The following SEC16B variants were observed in gnomAD, a reference collection of about 807,000 sequenced individuals.
The protein encoded by SEC16B is protein transport protein Sec16B.
In SEC16B, 115 loss-of-function variants were observed where a neutral mutation model predicts 141.8. The observed-to-expected ratio is 0.81, with a 90% CI of 0.70 to 0.95. The LOEUF (loss-of-function observed/expected upper bound fraction) is 0.95. SEC16B is among the 40% of genes least tolerant of loss of function. SEC16B has a pLI of 0.00. For missense variants in SEC16B, 1,291 were observed against 1,312.3 expected, an observed-to-expected ratio of 0.98 and a Z score of 0.25; for synonymous variants, 493 against 492.5, an observed-to-expected ratio of 1.00 and a Z score of -0.01.
chr1:177,949,643 G>A lies in SEC16B; in HGVS notation c.1546-1701C>T, dbSNP rs994854744. ...CTTAATTTTCACAATAACTCTACTG[G>A]GCACCAAAATCCCCATAAAGATTAA... is the stretch of plus-strand genomic sequence containing the variant. On this transcript the variant is annotated intron_variant, in intron 12 of 25. Transcript: ENST00000308284. Among the ~76,000 whole-genome samples, 7 of 151,994 alleles carry A rather than the reference G, an allele frequency of 4.6e-5. No homozygotes were observed. The East Asian group carries it at 1.4e-3, about 29-fold the overall frequency.
chr1:177,955,889 G>T (rs1652561387), intron 10 of SEC16B, among the ~76,000 whole-genome samples: 1 of 152,210 alleles, frequency 6.6e-6, no homozygotes, highest in Admixed American at 6.5e-5. Context: ...TTGCAACATT[G>T]TAATTGCAAA....
In SEC16B at chr1:177,930,600, GGAA is replaced by G. The variant is rs750153206; in HGVS notation, c.3053_3055del (p.Leu1018del). The stretch of plus-strand genomic sequence containing the variant: ...AACAGCCCCTTTTAAGGCAGGTGGA[GGAA>G]GAAGAACACCAGGGTTGGAGCAGAG... On this transcript the variant is annotated inframe_deletion, in exon 25 of 26. Coordinates refer to ENST00000308284, the MANE Select transcript of SEC16B (RefSeq NM_033127.4). 14 of 1,613,702 alleles carry G rather than the reference GGAA, an allele frequency of 8.7e-6. No homozygotes were observed. Among genetic ancestry groups the G allele is most frequent in the East Asian group, 6.7e-5 (3 of 44,878 alleles).
intron 1 of SEC16B, among the ~76,000 whole-genome samples, chr1:177,980,278 CT>C (rs1438578866): frequency 4.6e-5 from 7 of 152,170 alleles, no homozygotes; most frequent in Admixed American, 2.0e-4. Context: ...AATTTCACCC[CT>C]GGGAGAATTT....
At position 177,937,365 on chromosome 1, in the gene SEC16B, T is replaced by C. The variant is rs776899675; in HGVS notation, c.2352A>G (p.Pro784=). The C allele has an allele frequency of 6.2e-7, 1 of 1,613,362 alleles. No individual in the cohort carries two copies. Residue 784 remains proline, a synonymous_variant, in exon 19 of 26, where the codon CCA becomes CCG. Transcript: ENST00000308284. ...CTGTCTGCCCTGCACCCCCTCCTGC[T>C]GGGTAGGAGCCCGGCTGGAGGGGAA... The part of the protein sequence containing the change: ...QPFPLQPGSY[P]AGGGAGQTGT...
intron 2 of SEC16B, among the ~76,000 whole-genome samples, chr1:177,966,690 G>C (rs1042259526): frequency 6.6e-6 from 1 of 152,016 alleles, no homozygotes; most frequent in Non-Finnish European, 1.5e-5. Context: ...CTCTACCCAG[G>C]TAGCTGGGAT....
At chr1:177,942,472 A>G (rs576898912) in intron 15 of SEC16B, among the ~76,000 whole-genome samples, 1 of 152,304 alleles carries the variant, frequency 6.6e-6, no homozygotes, top group Admixed American at 6.5e-5. Context: ...GTTTGAGACC[A>G]GCCTGGCCAA....
chr1:177,983,525 GA>G (rs72197624), intron 1 of SEC16B, among the ~76,000 whole-genome samples: 17,388 of 140,154 alleles, frequency 0.12, 1,701 homozygotes, highest in African/African-American at 0.28. Context: ...GGTCTCAACA[GA>G]AAAAAAAAAA....
rs116055920 is a variant in SEC16B at position 177,932,221 on chromosome 1, G to A, written c.3012+269C>T. 3.4e-3 allele frequency among the ~76,000 whole-genome samples: 521 copies of A among 152,250 alleles called. 3 individuals are homozygous for A. The highest frequency in any genetic ancestry group is 0.012 in the African/African-American group (492 of 41,532). On this transcript the variant is annotated intron_variant, in intron 24 of 25. Transcript: ENST00000308284. Reference sequence around the variant, plus strand: ...GTGAAGACGTGGAAAGAAGATGGCCGGGCACAAGCCAAGGAAAGAGGTCTC... The same window carrying A: ...GTGAAGACGTGGAAAGAAGATGGCCAGGCACAAGCCAAGGAAAGAGGTCTC...
chr1:177,946,380 G>A (rs1268597458), intron 14 of SEC16B, 40 bp downstream of exon 14: 3 of 1,422,608 alleles, frequency 2.1e-6, no homozygotes, highest in Non-Finnish European at 2.9e-6. Flanking sequence ...CAGTCCCTTG[G>A]AAAATGTCCT....
chr1:177,979,430 T>A (rs1356547188), intron 1 of SEC16B, among the ~76,000 whole-genome samples: 3 of 152,222 alleles, frequency 2.0e-5, no homozygotes, highest in African/African-American at 7.2e-5. Context: ...GATGCATACA[T>A]GTGTTTAAAT....
chr1:177,962,041 C>G (rs1397846035), intron 5 of SEC16B, among the ~76,000 whole-genome samples: 1 of 151,980 alleles, frequency 6.6e-6, no homozygotes, highest in Non-Finnish European at 1.5e-5. Flanking sequence ...TCATATCTGC[C>G]CTATATACTT....
intron 17 of SEC16B, 78 bp downstream of exon 17, chr1:177,940,532 T>C: frequency 9.9e-7 from 1 of 1,008,260 alleles, no homozygotes; most frequent in Non-Finnish European, 1.5e-6. Context: ...TGTCAGTGCC[T>C]ACCTGTTCCA....
intron 20 of SEC16B, 104 bp from the exon 21 acceptor site, chr1:177,933,740 T>C (rs1650628798): frequency 8.8e-7 from 1 of 1,142,192 alleles, no homozygotes; most frequent in Non-Finnish European, 1.3e-6. Context: ...AGTGGGACTG[T>C]TGTCTCAGGA....
At chr1:177,965,269 G>T in intron 3 of SEC16B, 102 bp from the exon 4 acceptor site, 3 of 1,371,456 alleles carry the variant, frequency 2.2e-6, no homozygotes, top group East Asian at 2.4e-5. Context: ...GAGCACAGTA[G>T]ATCTAAAAAC....
chr1:177,939,694 T>C lies in SEC16B; in HGVS notation c.2203+8A>G, dbSNP rs1182179301. ...CTATGTATATGCTCAGTTCATCATTTTGGGTACCTGTTGTTGTTCCTCCGG... is the reference window on the plus strand; with the variant it reads ...CTATGTATATGCTCAGTTCATCATTCTGGGTACCTGTTGTTGTTCCTCCGG... On this transcript the variant is annotated splice_region_variant and intron_variant, in intron 18 of 25. Transcript: ENST00000308284. 2 of 1,579,326 alleles carry C rather than the reference T, an allele frequency of 1.3e-6. No individual in the cohort carries two copies. The highest frequency in any genetic ancestry group is 1.3e-5 in the African/African-American group (1 of 74,308).
At position 177,968,033 on chromosome 1, in the gene SEC16B, T is replaced by C. The variant is rs1653694279; in HGVS notation, c.-52A>G. On this transcript the variant is annotated 5_prime_UTR_variant, in exon 2 of 26. In the 5' UTR this introduces an upstream ATG that the reference lacks. Coordinates refer to ENST00000308284, the MANE Select transcript of SEC16B (RefSeq NM_033127.4). ...TTTTGAGTAAGTTGTGCAGTTATTTTATCTTCCTGCAGACAAAAGAAAAAG... is the reference window on the plus strand; with the variant it reads ...TTTTGAGTAAGTTGTGCAGTTATTTCATCTTCCTGCAGACAAAAGAAAAAG... 2 of 1,504,892 alleles carry C rather than the reference T, an allele frequency of 1.3e-6. No homozygotes were observed. Among genetic ancestry groups the C allele is most frequent in the African/African-American group, 1.4e-5 (1 of 71,966 alleles). 93.2% of individuals were successfully genotyped at this position (1,504,892 alleles called of 1,614,324 possible).
chr1:177,930,171 G>C (rs1650308628), intron 25 of SEC16B, among the ~76,000 whole-genome samples: 1 of 152,158 alleles, frequency 6.6e-6, no homozygotes, highest in African/African-American at 2.4e-5. Context: ...GATTGCTGAG[G>C]AACAGGGAAC....
At chr1:177,951,844 C>T in intron 12 of SEC16B, 70 bp downstream of exon 12, 1 of 1,273,122 alleles carries the variant, frequency 7.9e-7, no homozygotes, top group South Asian at 1.3e-5. Flanking sequence ...TCAGTGCACT[C>T]CTGAGCAGTC....
At chr1:177,943,395 A>C (rs1461502505) in intron 15 of SEC16B, among the ~76,000 whole-genome samples, 1 of 152,236 alleles carries the variant, frequency 6.6e-6, no homozygotes, top group African/African-American at 2.4e-5. Context: ...CTATGTAACA[A>C]ACCTGCACAT....
Sources: gnomAD v4.1 joint callset for allele counts (sites outside exome capture counted in the v4.1 genomes callset) on GRCh38, gnomAD v4.1.1 for gene constraint, MANE v1.5 for transcripts, NCBI Gene and HGNC (gene_info 2026-07-23, HGNC 2026-07-21) for gene names.